Variants in NEB observed in about 807,000 individuals in gnomAD.
The protein encoded by NEB is nebulin.
NEB carries 512 observed loss-of-function variants against 952.2 expected under a neutral mutation model. That is an observed-to-expected ratio of 0.54 (90% CI 0.50 to 0.58). The LOEUF is 0.58. Among genes scored for constraint, NEB ranks in the 20% least tolerant of loss-of-function variants. The probability of loss-of-function intolerance (pLI) is 0.00; values close to 1 mark genes in which losing one functional copy is unlikely to be tolerated. For synonymous variants in NEB, 2,900 were observed against 3,149.8 expected (o/e 0.92, Z 2.66); for missense variants, 8,428 against 9,231.1 (o/e 0.91, Z 3.56).
intron 168 of NEB, among the ~76,000 whole-genome samples, chr2:151,500,593 CTTTTTTTTTTTT>C (rs11428843): frequency 8.4e-6 from 1 of 118,458 alleles, no homozygotes; most frequent in Non-Finnish European, 1.7e-5. Context: ...TTCTTTCTTC[CTTTTTTTTTTTT>C]TTTTTTTTGA....
rs2152991690 is a variant in NEB at position 151,498,281 on chromosome 2, G to GTGTT, written c.24182_24185dup (p.His8062GlnfsTer8). On this transcript the variant is annotated frameshift_variant, in exon 170 of 182. Coordinates refer to ENST00000397345, the MANE Select transcript of NEB (RefSeq NM_001164508.2). LOFTEE classifies it high-confidence loss of function. ...ATACCGAGCTAAGGTTTTCTTGATT[G>GTGTT]TGTTTGACTCTCTGCATCTCAGGAG... 2 of 1,551,430 alleles carry GTGTT rather than the reference G, an allele frequency of 1.3e-6. No homozygotes were observed. Among genetic ancestry groups the GTGTT allele is most frequent in the Non-Finnish European group, 1.7e-6 (2 of 1,146,836 alleles).
At chr2:151,655,153 T>A in intron 51 of NEB, 117 bp downstream of exon 51, 6 of 601,642 alleles carry the variant, frequency 1.0e-5, no homozygotes, top group Non-Finnish European at 1.7e-5. Context: ...GGCTAATCAG[T>A]GTGTCATTTC....
Position 151,630,798 on chromosome 2 carries a change from C to T in NEB, c.9640G>A (p.Asp3214Asn). The T allele has an allele frequency of 6.2e-7, 1 of 1,610,122 alleles. No individual in the cohort carries two copies. Among genetic ancestry groups the T allele is most frequent in the Non-Finnish European group, 8.5e-7 (1 of 1,177,802 alleles). ...MNKRLYTEAW[D>N]KDKTQIHIMP... ...ATGTGAATTTGAGTCTTGTCTTTGT[C>T]CCAGGCCTCTGTGTATAAACGCTAT... The change falls in exon 67 of 182, where the codon GAC becomes AAC. Residue 3214 changes from aspartate to asparagine, a missense_variant. Asp to Asn is a conservative substitution (Grantham distance 23, BLOSUM62 1). This residue lies in a region of NEB where 1,772 missense variants were observed against 1,960.3 expected (regional missense o/e 0.90). Transcript: ENST00000397345.
At chr2:151,561,449 G>T in intron 121 of NEB, 137 bp from the exon 122 acceptor site, 1 of 653,858 alleles carries the variant, frequency 1.5e-6, no homozygotes, top group Non-Finnish European at 2.7e-6. Context: ...TCATTCTAGA[G>T]TCCTGCAGAC....
intron 28 of NEB, among the ~76,000 whole-genome samples, chr2:151,683,606 G>A (rs1271805992): frequency 1.3e-5 from 2 of 152,156 alleles, no homozygotes; most frequent in African/African-American, 2.4e-5. Context: ...ATATAGAATT[G>A]TTAGTGGTAG....
chr2:151,695,720 G>T, intron 17 of NEB, 38 bp from the exon 18 acceptor site: 3 of 1,451,616 alleles, frequency 2.1e-6, no homozygotes, highest in Non-Finnish European at 2.9e-6. Flanking sequence ...CAGAAGAATT[G>T]TTCCAGAATA....
At chr2:151,549,360 A>G (rs2095096217) in intron 130 of NEB, among the ~76,000 whole-genome samples, 2 of 152,214 alleles carry the variant, frequency 1.3e-5, no homozygotes, top group African/African-American at 4.8e-5. Flanking sequence ...TGAGGCCAGC[A>G]GAAGTAGAGG....
intron 134 of NEB, 22 bp from the exon 135 acceptor site, chr2:151,546,020 AG>A: frequency 3.3e-6 from 4 of 1,200,900 alleles, no homozygotes; most frequent in Non-Finnish European, 4.8e-6. Flanking sequence ...AAAAAAAAAC[AG>A]AAATACAAGT....
chr2:151,610,646 C>T, intron 79 of NEB, 23 bp from the exon 80 acceptor site: 1 of 1,590,760 alleles, frequency 6.3e-7, no homozygotes, highest in Non-Finnish European at 8.6e-7. Context: ...TAATAGACGA[C>T]AGAAAATAAG....
chr2:151,715,251 T>C (rs1476937078), intron 10 of NEB, among the ~76,000 whole-genome samples: 2 of 152,230 alleles, frequency 1.3e-5, no homozygotes, highest in Admixed American at 1.3e-4. Flanking sequence ...ACTTTAATAA[T>C]ACAGTTTACT....
intron 9 of NEB, among the ~76,000 whole-genome samples, chr2:151,722,902 G>A (rs542898222): frequency 1.3e-5 from 2 of 152,264 alleles, no homozygotes; most frequent in African/African-American, 4.8e-5. Flanking sequence ...GAAAAAGGGA[G>A]ACACACCACA....
intron 172 of NEB, 34 bp from the exon 173 acceptor site, chr2:151,496,402 A>T: frequency 1.9e-6 from 3 of 1,574,540 alleles, no homozygotes; most frequent in Non-Finnish European, 2.6e-6. Flanking sequence ...AAAAACAACC[A>T]TGAGTAACAT....
At chr2:151,546,211 CAAGT>C (rs2094660358) in intron 134 of NEB, 130 bp downstream of exon 134, 1 of 739,062 alleles carries the variant, frequency 1.4e-6, no homozygotes, top group Non-Finnish European at 2.2e-6. Flanking sequence ...ATAATCTGCT[CAAGT>C]GAGTTAATGA....
intron 129 of NEB, among the ~76,000 whole-genome samples, chr2:151,550,521 A>G (rs1312356300): frequency 2.6e-5 from 4 of 152,196 alleles, no homozygotes; most frequent in African/African-American, 7.2e-5. Flanking sequence ...AGAGGTCAGG[A>G]TGCATGTGTT....
chr2:151,676,022 C>G (rs754277002), intron 34 of NEB, among the ~76,000 whole-genome samples: 1 of 152,098 alleles, frequency 6.6e-6, no homozygotes, highest in Non-Finnish European at 1.5e-5. Flanking sequence ...AAATATATTA[C>G]TTAGTTCCTA....
chr2:151,632,598 C>A (rs1307412986), intron 65 of NEB, among the ~76,000 whole-genome samples: 1 of 151,218 alleles, frequency 6.6e-6, no homozygotes, highest in Non-Finnish European at 1.5e-5. Flanking sequence ...ATCACTTGAA[C>A]CCGGGAGGCG....
Position 151,499,296 on chromosome 2 carries a change from A to G in NEB, c.24114+2T>C. The G allele has an allele frequency of 7.0e-7, 1 of 1,437,456 alleles. No individual in the cohort carries two copies. The highest frequency in any genetic ancestry group is 1.4e-5 in the African/African-American group (1 of 69,976). 89.0% of individuals were successfully genotyped at this position (1,437,456 alleles called of 1,614,324 possible). ...TTAAAGGGATTTTTTATTTTTAAAT[A>G]CCGAACTAAAGTTTTCTTGATTGTG... On this transcript the variant is annotated splice_donor_variant, in intron 169 of 181. Transcript: ENST00000397345. LOFTEE classifies it high-confidence loss of function.
Position 151,551,759 on chromosome 2 carries a change from A to G in NEB, c.19923T>C (p.His6641=), listed in dbSNP as rs773870323. The stretch of plus-strand genomic sequence containing the variant: ...TCACCGAACTCTGGAGCTTGTATGC[A>G]TGAAGGGCCCGGTCCAGATCCACGG... ...TKTVDLDRAL[H]AYKLQSSNLY... Residue 6641 remains histidine, a synonymous_variant, in exon 129 of 182, where the codon CAT becomes CAC. Coordinates refer to ENST00000397345, the MANE Select transcript of NEB (RefSeq NM_001164508.2). 5.6e-6 allele frequency: 9 copies of G among 1,613,618 alleles called. No homozygotes were observed. Among genetic ancestry groups the G allele is most frequent in the Non-Finnish European group, 7.6e-6 (9 of 1,179,678 alleles).
intron 24 of NEB, 54 bp from the exon 25 acceptor site, chr2:151,688,450 A>G: frequency 7.3e-7 from 1 of 1,376,944 alleles, no homozygotes; most frequent in Middle Eastern, 1.8e-4. Flanking sequence ...GAATTTATTT[A>G]GGGCAGCATA....
Sources: allele counts gnomAD v4.1 joint callset (sites outside exome capture counted in the v4.1 genomes callset), GRCh38; gene constraint gnomAD v4.1.1; regional missense constraint gnomAD v4.1.1; transcripts MANE v1.5; gene names NCBI Gene and HGNC (gene_info 2026-07-23, HGNC 2026-07-21).